The following TAFA2 variants were observed in gnomAD, a reference collection of about 807,000 sequenced individuals.
TAFA2 encodes the protein TAFA chemokine like family member 2.
In TAFA2, 7 loss-of-function variants were observed where a neutral mutation model predicts 18.8. The ratio of observed to expected loss-of-function variants is 0.37; its 90% CI spans 0.21 to 0.70. The LOEUF (loss-of-function observed/expected upper bound fraction) is 0.70, where lower values mean the gene tolerates loss of function less well. TAFA2 is among the 30% of genes least tolerant of loss of function. The pLI is 0.53. For missense variants in TAFA2, 122 were observed against 158.1 expected (o/e 0.77, Z 1.23); for synonymous variants, 60 against 54.2 (o/e 1.11, Z -0.47).
At chr12:62,124,041 A>C (rs1015601994) in intron 1 of TAFA2, among the ~76,000 whole-genome samples, 18 of 152,180 alleles carry the variant, frequency 1.2e-4, no homozygotes, top group African/African-American at 4.1e-4. Context: ...AAGTTGGATA[A>C]ATTAGTAACA....
chr12:61,976,398 TACATGATTGG>T (rs1879434360), intron 1 of TAFA2, among the ~76,000 whole-genome samples: 1 of 151,876 alleles, frequency 6.6e-6, no homozygotes, highest in Non-Finnish European at 1.5e-5. Context: ...GATTTCACAA[TACATGATTGG>T]AAAAATAAAA....
chr12:62,064,191 G>T (rs1240760921), intron 1 of TAFA2, among the ~76,000 whole-genome samples: 1 of 151,978 alleles, frequency 6.6e-6, no homozygotes, highest in Non-Finnish European at 1.5e-5. Context: ...TTTTTTAAAT[G>T]CACTAAAAAC....
intron 1 of TAFA2, among the ~76,000 whole-genome samples, chr12:62,161,056 C>T: frequency 6.6e-6 from 1 of 152,150 alleles, no homozygotes. Context: ...CAAAAGTACT[C>T]AGTGAGCCTA....
chr12:61,930,358 C>T (rs1015690513), intron 1 of TAFA2, among the ~76,000 whole-genome samples: 5 of 152,132 alleles, frequency 3.3e-5, no homozygotes, highest in Admixed American at 1.3e-4. Flanking sequence ...AGGAAGTTTA[C>T]ATCTTTGTAC....
At chr12:61,874,089 A>G (rs917744218) in intron 1 of TAFA2, among the ~76,000 whole-genome samples, 5 of 152,164 alleles carry the variant, frequency 3.3e-5, no homozygotes, top group Non-Finnish European at 7.4e-5. Context: ...TTATCACATG[A>G]TGGCATTTTA....
At chr12:62,242,291 AAT>A (rs2062866059) in intron 1 of TAFA2, 1 of 152,218 alleles carries the variant, frequency 6.6e-6, no homozygotes, top group Admixed American at 6.5e-5. Context: ...AAAACTAATA[AAT>A]AAAAATTAAA....
intron 1 of TAFA2, among the ~76,000 whole-genome samples, chr12:62,147,322 GTATGTATATATATATATATATATA>G (rs1441337690): frequency 0.029 from 1,447 of 49,376 alleles, 69 homozygotes; most frequent in East Asian, 0.29. Context: ...GTGTGTGTAT[GTATGTATATATATATATATATATA>G]TATATATATA....
chr12:61,825,663 G>T (rs1389793258), intron 2 of TAFA2, among the ~76,000 whole-genome samples: 1 of 151,916 alleles, frequency 6.6e-6, no homozygotes, highest in African/African-American at 2.4e-5. Context: ...AAGGGAGATG[G>T]GTGTTTCTAA....
intron 1 of TAFA2, among the ~76,000 whole-genome samples, chr12:61,943,657 G>GTC (rs1166934838): frequency 6.6e-6 from 1 of 152,148 alleles, no homozygotes; most frequent in Admixed American, 6.5e-5. Flanking sequence ...TGCAATCCGA[G>GTC]TCTCTGATAA....
chr12:61,990,895 A>G (rs1298906034), intron 1 of TAFA2, among the ~76,000 whole-genome samples: 2 of 152,224 alleles, frequency 1.3e-5, no homozygotes, highest in Admixed American at 6.5e-5. Context: ...AAAGTATTAT[A>G]AGATATGTGA....
rs373770090 is a variant in TAFA2, at chr12:61,801,201, A to C, written c.107-46177T>G. 3.3e-5 allele frequency among the ~76,000 whole-genome samples: 5 copies of C among 152,148 alleles called. No homozygotes were observed. The East Asian group carries it at 9.6e-4, about 29-fold the overall frequency. On this transcript the variant is annotated intron_variant, in intron 2 of 4. Coordinates refer to ENST00000416284, the MANE Select transcript of TAFA2 (RefSeq NM_178539.5). ...TTAAAATGTCAGTACTACCCATAGC[A>C]ATCTACAGATTCAATGCAATCCTTA... is the stretch of plus-strand genomic sequence containing the variant.
At position 61,865,644 on chromosome 12, in the gene TAFA2, A is replaced by C. The variant is rs566752167; in HGVS notation, c.106+1676T>G. On this transcript the variant is annotated intron_variant, in intron 2 of 4. Coordinates refer to ENST00000416284, the MANE Select transcript of TAFA2 (RefSeq NM_178539.5). The stretch of plus-strand genomic sequence containing the variant: ...AAAAGATCTTAGTTTCAGAGTTAGC[A>C]TAGAACATAACACTATTTAAATGTC... Among the ~76,000 whole-genome samples, 30 of 152,370 alleles carry C rather than the reference A, an allele frequency of 2.0e-4. 1 individual carries two copies. The South Asian group carries it at 6.0e-3, about 30-fold the overall frequency.
At chr12:61,851,592 C>T (rs1038915634) in intron 2 of TAFA2, among the ~76,000 whole-genome samples, 21 of 150,880 alleles carry the variant, frequency 1.4e-4, no homozygotes, top group Non-Finnish European at 2.5e-4. Context: ...CTGGCTAACA[C>T]GGTGAAACCT....
At chr12:62,021,481 T>G in intron 1 of TAFA2, 1 of 624,260 alleles carries the variant, frequency 1.6e-6, no homozygotes. Flanking sequence ...ATTCTTTTTT[T>G]TTTTTCTGTC....
intron 1 of TAFA2, among the ~76,000 whole-genome samples, chr12:62,046,678 T>C (rs1277516437): frequency 6.6e-6 from 1 of 152,138 alleles, no homozygotes; most frequent in Non-Finnish European, 1.5e-5. Context: ...GGCCTACTTC[T>C]TTCTAACTCC....
intron 2 of TAFA2, among the ~76,000 whole-genome samples, chr12:61,819,110 G>A (rs956377530): frequency 7.9e-5 from 12 of 152,004 alleles, no homozygotes; most frequent in African/African-American, 2.7e-4. Flanking sequence ...TACTGTTGAT[G>A]TTTATATTTA....
chr12:61,947,740 A>C (rs1171656011), intron 1 of TAFA2, among the ~76,000 whole-genome samples: 1 of 152,136 alleles, frequency 6.6e-6, no homozygotes, highest in Non-Finnish European at 1.5e-5. Context: ...TCGATATGTA[A>C]GTGATAGCTG....
At chr12:62,093,501 A>G (rs1255983793) in intron 1 of TAFA2, among the ~76,000 whole-genome samples, 2 of 152,050 alleles carry the variant, frequency 1.3e-5, no homozygotes, top group African/African-American at 2.4e-5. Context: ...TTCATTTCAA[A>G]CCGGTTACAT....
chr12:61,713,644 T>C (rs188475027), intron 4 of TAFA2, among the ~76,000 whole-genome samples: 3 of 152,238 alleles, frequency 2.0e-5, no homozygotes, highest in Admixed American at 6.5e-5. Flanking sequence ...TAAATATAGG[T>C]ACATTATCAC....
Sources: gnomAD v4.1 joint callset for allele counts (sites outside exome capture counted in the v4.1 genomes callset) on GRCh38, gnomAD v4.1.1 for gene constraint, MANE v1.5 for transcripts, NCBI Gene and HGNC (gene_info 2026-07-23, HGNC 2026-07-21) for gene names.